The following DIAPH1 variants were observed in gnomAD, a reference collection of about 807,000 sequenced individuals.
The protein encoded by DIAPH1 is protein diaphanous homolog 1.
Under a neutral mutation model 140.7 loss-of-function variants are expected in DIAPH1, and 46 were observed. That is an observed-to-expected ratio of 0.33 (90% CI 0.26 to 0.42). The LOEUF is 0.42. Among genes scored for constraint, DIAPH1 ranks in the 10% least tolerant of loss-of-function variants. DIAPH1 has a pLI of 1.00. For missense variants in DIAPH1, 1,310 were observed against 1,558.7 expected, an observed-to-expected ratio of 0.84 and a Z score of 2.69; for synonymous variants, 565 against 551.6, an observed-to-expected ratio of 1.02 and a Z score of -0.34.
chr5:141,576,158 C>T, intron 14 of DIAPH1, 72 bp downstream of exon 14: 3 of 1,291,160 alleles, frequency 2.3e-6, no homozygotes, highest in Non-Finnish European at 3.4e-6. Context: ...AAAACTGTCT[C>T]ATAGATCAGG....
intron 1 of DIAPH1, among the ~76,000 whole-genome samples, chr5:141,593,535 C>A (rs1277113459): frequency 1.3e-5 from 2 of 152,184 alleles, no homozygotes; most frequent in East Asian, 3.8e-4. Context: ...AAGCTTGTGA[C>A]ATAGTCCAAG....
chr5:141,596,372 G>A (rs941198117), intron 1 of DIAPH1, among the ~76,000 whole-genome samples: 5 of 151,664 alleles, frequency 3.3e-5, no homozygotes, highest in African/African-American at 1.2e-4. Flanking sequence ...GCATTGTAGC[G>A]CTTGCCTGTA....
chr5:141,581,771 C>T (rs2099896783), intron 7 of DIAPH1: 2 of 152,568 alleles, frequency 1.3e-5, no homozygotes, highest in African/African-American at 4.8e-5. Context: ...AGTAAAGAAA[C>T]AGGCCGGGCG....
Position 141,572,813 on chromosome 5 carries a change from T to C in DIAPH1, c.2358+679A>G, listed in dbSNP as rs563880053. Among the ~76,000 whole-genome samples, 12 of 151,412 alleles carry C rather than the reference T, an allele frequency of 7.9e-5. No homozygotes were observed. In the East Asian group the frequency reaches 1.2e-3, roughly 15 times the overall value. The stretch of plus-strand genomic sequence containing the variant: ...CCTGTGTAACTCACATCCTGCGGAA[T>C]TGGGATAGGAGAGTGGATTCATAAA... On this transcript the variant is annotated intron_variant, in intron 16 of 27. Transcript: ENST00000389054.
At chr5:141,617,037 A>C (rs2099902793) in intron 1 of DIAPH1, among the ~76,000 whole-genome samples, 2 of 152,252 alleles carry the variant, frequency 1.3e-5, no homozygotes, top group African/African-American at 4.8e-5. Flanking sequence ...TCTACTCAAG[A>C]CATGAAAACA....
chr5:141,556,255 G>GA lies in DIAPH1; in HGVS notation c.2482+15172dup, dbSNP rs138630220. ...ATTTTTTCTTTCTGTAAAAGTCCAT[G>GA]AAGTGCTGTTAATTCATTGAGTCTT... On this transcript the variant is annotated intron_variant, in intron 18 of 27. Transcript: ENST00000389054. Among the ~76,000 whole-genome samples, 751 of 152,176 alleles carry GA rather than the reference G, an allele frequency of 4.9e-3. 4 individuals carry two copies. Among genetic ancestry groups the GA allele is most frequent in the African/African-American group, 0.017 (693 of 41,490 alleles).
chr5:141,575,653 A>T (rs1211333443), intron 14 of DIAPH1, among the ~76,000 whole-genome samples: 1 of 152,184 alleles, frequency 6.6e-6, no homozygotes, highest in Non-Finnish European at 1.5e-5. Context: ...CGTCTCAAAA[A>T]AAAAACAAAT....
chr5:141,534,054 A>T (rs2099888660), intron 19 of DIAPH1, among the ~76,000 whole-genome samples: 1 of 151,582 alleles, frequency 6.6e-6, no homozygotes, highest in Admixed American at 6.6e-5. Flanking sequence ...AAAAAAAAAA[A>T]AAAGGCTCAA....
chr5:141,535,044 G>C, intron 18 of DIAPH1, among the ~76,000 whole-genome samples: 1 of 152,236 alleles, frequency 6.6e-6, no homozygotes, highest in South Asian at 2.1e-4. Context: ...TGACCTCTTG[G>C]GCTCAGATAA....
At chr5:141,547,439 T>C (rs1418857265) in intron 18 of DIAPH1, among the ~76,000 whole-genome samples, 1 of 151,418 alleles carries the variant, frequency 6.6e-6, no homozygotes, top group Non-Finnish European at 1.5e-5. Context: ...CACTCCAGCC[T>C]GGGCGACAGA....
chr5:141,576,208 G>GT, intron 14 of DIAPH1, 22 bp downstream of exon 14: 1 of 1,558,786 alleles, frequency 6.4e-7, no homozygotes, highest in Non-Finnish European at 8.9e-7. Context: ...TCAAACACAT[G>GT]TCTTTGGTCT....
At position 141,588,455 on chromosome 5, in the gene DIAPH1, C is replaced by T. The variant is rs557354100; in HGVS notation, c.118-205G>A. ...GCAGGAAGAGTTTGAAGGTCACTAA[C>T]ATATGACTCTTAAAAAGGAAAAAAA... is the stretch of plus-strand genomic sequence containing the variant. On this transcript the variant is annotated intron_variant, in intron 1 of 27. Transcript: ENST00000389054. Among the ~76,000 whole-genome samples the T allele has an allele frequency of 5.2e-5, 7 of 133,562 alleles. No individual in the cohort carries two copies. The South Asian group carries it at 1.7e-3, about 33-fold the overall frequency. The allele number at this position is 133,562 out of a possible 152,430, so 87.6% of individuals were successfully genotyped here. A position where few individuals can be genotyped will look rare whatever the true frequency, so the allele number is the denominator to read the frequency against.
chr5:141,536,206 G>T (rs549936336), intron 18 of DIAPH1: 3 of 290,888 alleles, frequency 1.0e-5, no homozygotes, highest in Non-Finnish European at 2.1e-5. Context: ...GGAGGTTGAC[G>T]TGGGAAAATC....
chr5:141,582,495 G>A, intron 6 of DIAPH1, 120 bp from the exon 7 acceptor site: 1 of 749,722 alleles, frequency 1.3e-6, no homozygotes, highest in South Asian at 1.5e-5. Context: ...TAAATTTTAG[G>A]AAATAGCACC....
chr5:141,618,502 G>C (rs980144133), intron 1 of DIAPH1: 1 of 313,640 alleles, frequency 3.2e-6, no homozygotes, highest in African/African-American at 2.2e-5. Context: ...GAGGCTGAGA[G>C]GGGAGAGACG....
At position 141,576,279 on chromosome 5, in the gene DIAPH1, T is replaced by C; in HGVS notation, c.1412A>G (p.Lys471Arg). The change falls in exon 14 of 28, where the codon AAG (lysine) becomes AGG (arginine). Residue 471 changes from lysine to arginine, a missense_variant. Physicochemically the swap from Lys to Arg is conservative, Grantham distance 26 (BLOSUM62 2). Around this residue, in one of 3 missense-constraint regions of DIAPH1, gnomAD observed 589 missense variants for 549.3 expected, o/e 1.07. Coordinates refer to ENST00000389054, the MANE Select transcript of DIAPH1 (RefSeq NM_005219.5). ...GGCTTCAGATTTCTCCACCTTTGTC[T>C]TATCAATCATTTGATCTGAAAAGAA... Reference protein sequence around the residue: ...IEGLIDQMIDKTKVEKSEAKA... With the variant: ...IEGLIDQMIDRTKVEKSEAKA... 6.2e-7 allele frequency: 1 copy of C among 1,613,952 alleles called. No homozygotes were observed. Among genetic ancestry groups the C allele is most frequent in the Non-Finnish European group, 8.5e-7 (1 of 1,179,790 alleles).
chr5:141,583,400 C>A (rs1374270975), intron 5 of DIAPH1, 85 bp downstream of exon 5: 16 of 1,610,410 alleles, frequency 9.9e-6, no homozygotes, highest in Non-Finnish European at 1.4e-5. Flanking sequence ...TATTCTCATG[C>A]TTCCCTGGCT....
intron 18 of DIAPH1, among the ~76,000 whole-genome samples, chr5:141,545,154 A>G (rs990418583): frequency 6.6e-6 from 1 of 152,226 alleles, no homozygotes; most frequent in Admixed American, 6.5e-5. Flanking sequence ...GGGTTTGGCA[A>G]TAAGGAGGAG....
At position 141,528,406 on chromosome 5, in the gene DIAPH1, C is replaced by T. The variant is rs184505421; in HGVS notation, c.3148+47G>A. On this transcript the variant is annotated intron_variant, in intron 23 of 27. Transcript: ENST00000389054. The stretch of plus-strand genomic sequence containing the variant: ...ATCTAGACTGTGTCTTATTTCCCTC[C>T]CCATGCAGAGACTTTTGGGCTCTAG... The T allele has an allele frequency of 2.9e-5, 46 of 1,613,210 alleles. No individual in the cohort carries two copies. The African/African-American group carries it at 6.0e-4, about 21-fold the overall frequency.
Sources: gnomAD v4.1 joint callset for allele counts (sites outside exome capture counted in the v4.1 genomes callset) on GRCh38, gnomAD v4.1.1 for gene constraint, gnomAD v4.1.1 regional missense constraint, MANE v1.5 for transcripts, NCBI Gene and HGNC (gene_info 2026-07-23, HGNC 2026-07-21) for gene names.